PLCB1: variants seen among roughly 807,000 people sequenced by gnomAD.
PLCB1 encodes the protein 1-phosphatidylinositol 4,5-bisphosphate phosphodiesterase beta-1.
A neutral mutation model predicts 161.8 loss-of-function variants in PLCB1; 46 were observed. The observed-to-expected ratio is 0.28, with a 90% confidence interval of 0.22 to 0.36. PLCB1 has a LOEUF of 0.36. Among genes scored for constraint, PLCB1 ranks in the 10% least tolerant of loss-of-function variants. The pLI is 1.00. For synonymous variants in PLCB1, 517 were observed against 503.7 expected (o/e 1.03, Z -0.35); for missense variants, 1,016 against 1,472.5 (o/e 0.69, Z 5.07).
chr20:8,216,232 C>A (rs1170529318), intron 2 of PLCB1, among the ~76,000 whole-genome samples: 1 of 152,064 alleles, frequency 6.6e-6, no homozygotes, highest in Non-Finnish European at 1.5e-5. Flanking sequence ...ATTGAAAGCA[C>A]CCATCATACT....
At chr20:8,235,479 A>G (rs529882000) in intron 2 of PLCB1, among the ~76,000 whole-genome samples, 1 of 152,108 alleles carries the variant, frequency 6.6e-6, no homozygotes, top group Non-Finnish European at 1.5e-5. Context: ...AAAAGATGTG[A>G]CAAAATTCTA....
At chr20:8,399,473 T>G (rs890549457) in intron 3 of PLCB1, among the ~76,000 whole-genome samples, 1 of 152,176 alleles carries the variant, frequency 6.6e-6, no homozygotes, top group Non-Finnish European at 1.5e-5. Context: ...TTTTACTATT[T>G]CATTGTTCAG....
intron 25 of PLCB1, among the ~76,000 whole-genome samples, chr20:8,762,487 G>A (rs1331540083): frequency 6.6e-6 from 1 of 152,118 alleles, no homozygotes; most frequent in African/African-American, 2.4e-5. Flanking sequence ...AGTTTATGTG[G>A]ATTTATTTCT....
At chr20:8,277,801 A>G (rs1200965795) in intron 2 of PLCB1, among the ~76,000 whole-genome samples, 2 of 152,186 alleles carry the variant, frequency 1.3e-5, no homozygotes, top group South Asian at 2.1e-4. Context: ...ATCTAAAACT[A>G]CAACCCAATA....
At chr20:8,855,186 G>T (rs1322245579) in intron 31 of PLCB1, among the ~76,000 whole-genome samples, 3 of 151,174 alleles carry the variant, frequency 2.0e-5, no homozygotes, top group African/African-American at 4.9e-5. Flanking sequence ...TCAGAAATGG[G>T]GTAAGGGGTG....
chr20:8,506,010 C>T (rs540136727), intron 3 of PLCB1, among the ~76,000 whole-genome samples: 1 of 152,274 alleles, frequency 6.6e-6, no homozygotes, highest in South Asian at 2.1e-4. Flanking sequence ...AGTTTCAGCC[C>T]TGCTGTATGG....
intron 3 of PLCB1, among the ~76,000 whole-genome samples, chr20:8,478,576 A>G (rs1432160877): frequency 1.3e-5 from 2 of 152,154 alleles, no homozygotes; most frequent in African/African-American, 4.8e-5. Flanking sequence ...ATGCAGCACT[A>G]TTTTATGTTT....
intron 3 of PLCB1, among the ~76,000 whole-genome samples, chr20:8,584,176 G>T (rs766034969): frequency 6.6e-6 from 1 of 152,042 alleles, no homozygotes; most frequent in African/African-American, 2.4e-5. Context: ...AAATGAGGAC[G>T]GTCATAGAAG....
chr20:8,464,413 C>T (rs183473855), intron 3 of PLCB1, among the ~76,000 whole-genome samples: 19 of 152,284 alleles, frequency 1.2e-4, no homozygotes, highest in Admixed American at 7.9e-4. Flanking sequence ...TCCACTCTGT[C>T]GTGCCCTCCA....
chr20:8,214,480 T>C lies in PLCB1; in HGVS notation c.177+64109T>C, dbSNP rs111616003. On this transcript the variant is annotated intron_variant, in intron 2 of 31. Coordinates refer to ENST00000338037, the MANE Select transcript of PLCB1 (RefSeq NM_015192.4). Reference sequence around the variant, plus strand: ...TGATTGTAACCTTCCTGAGGCCTCCTCAGAAGCAGACATCTGTGTTATGCT... The same window carrying C: ...TGATTGTAACCTTCCTGAGGCCTCCCCAGAAGCAGACATCTGTGTTATGCT... Among the ~76,000 whole-genome samples the C allele has an allele frequency of 7.5e-3, 1,136 of 152,182 alleles. 11 individuals carry two copies. The highest frequency in any genetic ancestry group is 0.026 in the African/African-American group (1,078 of 41,538).
At chr20:8,870,781 C>G (rs181623274) in intron 31 of PLCB1, among the ~76,000 whole-genome samples, 1 of 152,180 alleles carries the variant, frequency 6.6e-6, no homozygotes, top group South Asian at 2.1e-4. Flanking sequence ...GAATCTAAAT[C>G]TGAGCATTAG....
chr20:8,695,481 C>T (rs924397224), intron 10 of PLCB1, among the ~76,000 whole-genome samples: 2 of 152,234 alleles, frequency 1.3e-5, no homozygotes, highest in African/African-American at 4.8e-5. Context: ...GCAGGAGGAT[C>T]GGTTGAGCCC....
intron 3 of PLCB1, among the ~76,000 whole-genome samples, chr20:8,382,342 G>A (rs959749673): frequency 2.0e-5 from 3 of 150,062 alleles, no homozygotes; most frequent in Non-Finnish European, 1.5e-5. Context: ...AAGTGCAGTG[G>A]TGTGATCTCG....
Position 8,700,366 on chromosome 20 carries a change from G to T in PLCB1, c.1167+2583G>T, listed in dbSNP as rs148934182. On this transcript the variant is annotated intron_variant, in intron 11 of 31. Coordinates refer to ENST00000338037, the MANE Select transcript of PLCB1 (RefSeq NM_015192.4). Reference sequence around the variant, plus strand: ...AGAATAAACACCAAGCACATCCTAAGGCATATTTATTTTATGTGGAGCATT... The same window carrying T: ...AGAATAAACACCAAGCACATCCTAATGCATATTTATTTTATGTGGAGCATT... 2.9e-3 allele frequency among the ~76,000 whole-genome samples: 438 copies of T among 152,348 alleles called. 2 individuals carry two copies. Among genetic ancestry groups the T allele is most frequent in the Non-Finnish European group, 4.7e-3 (322 of 68,032 alleles).
At chr20:8,226,227 A>G (rs1475411350) in intron 2 of PLCB1, among the ~76,000 whole-genome samples, 1 of 151,994 alleles carries the variant, frequency 6.6e-6, no homozygotes, top group East Asian at 1.9e-4. Flanking sequence ...TCTGGCCCCA[A>G]CCCCAGACCT....
At chr20:8,188,111 G>A (rs1447717501) in intron 2 of PLCB1, among the ~76,000 whole-genome samples, 1 of 152,104 alleles carries the variant, frequency 6.6e-6, no homozygotes, top group Non-Finnish European at 1.5e-5. Flanking sequence ...GGCTCAGGAT[G>A]TGTATGAGGC....
chr20:8,233,507 T>A lies in PLCB1; in HGVS notation c.177+83136T>A, dbSNP rs529119600. On this transcript the variant is annotated intron_variant, in intron 2 of 31. Transcript: ENST00000338037. ...AGCGGAAACCCTCTTTAGAAATTGA[T>A]AACTTGGTTAAGTTGATTATTTTTT... Among the ~76,000 whole-genome samples, 9 of 152,316 alleles carry A rather than the reference T, an allele frequency of 5.9e-5. No individual in the cohort carries two copies. In the South Asian group the frequency reaches 1.9e-3, roughly 32 times the overall value.
At chr20:8,406,498 G>A (rs1052186968) in intron 3 of PLCB1, among the ~76,000 whole-genome samples, 1 of 152,138 alleles carries the variant, frequency 6.6e-6, no homozygotes, top group Non-Finnish European at 1.5e-5. Flanking sequence ...GAATTGAAAA[G>A]CAACAAAAGG....
intron 4 of PLCB1, among the ~76,000 whole-genome samples, chr20:8,633,379 A>G (rs915344374): frequency 4.6e-5 from 7 of 152,172 alleles, no homozygotes; most frequent in East Asian, 1.9e-4. Context: ...TAAATACTCA[A>G]CTGGGTGATT....
Sources: gnomAD v4.1 joint callset for allele counts (sites outside exome capture counted in the v4.1 genomes callset) on GRCh38, gnomAD v4.1.1 for gene constraint, MANE v1.5 for transcripts, NCBI Gene and HGNC (gene_info 2026-07-23, HGNC 2026-07-21) for gene names.